The following SPAG16 variants were observed in gnomAD, a reference collection of about 807,000 sequenced individuals.
SPAG16 encodes the protein sperm-associated antigen 16 protein.
A neutral mutation model predicts 80.4 loss-of-function variants in SPAG16; 86 were observed. The observed-to-expected ratio is 1.07, with a 90% CI of 0.90 to 1.28. The LOEUF is 1.28. Among genes scored for constraint, SPAG16 ranks in the 50% most tolerant of loss-of-function variants. SPAG16 has a pLI of 0.00. For synonymous variants in SPAG16, 294 were observed against 265.9 expected, an observed-to-expected ratio of 1.11 and a Z score of -1.03; for missense variants, 870 against 765.3, an observed-to-expected ratio of 1.14 and a Z score of -1.61.
rs150094477 is a variant in SPAG16 at position 213,688,399 on chromosome 2, A to G, written c.1071-174086A>G. Among the ~76,000 whole-genome samples the G allele has an allele frequency of 9.8e-3, 1,497 of 152,328 alleles. 10 individuals carry two copies. Among genetic ancestry groups the G allele is most frequent in the Middle Eastern group, 0.041 (12 of 294 alleles). On this transcript the variant is annotated intron_variant, in intron 10 of 15. Coordinates refer to ENST00000331683, the MANE Select transcript of SPAG16 (RefSeq NM_024532.5). ...TTAATAGAGATTCTTTACATATGCA[A>G]ATTTTCTCCCACAAAGTACAGCTTT...
At chr2:214,032,950 C>A (rs568018983) in intron 13 of SPAG16, among the ~76,000 whole-genome samples, 1 of 152,064 alleles carries the variant, frequency 6.6e-6, no homozygotes, top group Non-Finnish European at 1.5e-5. Context: ...CAGAAAGACA[C>A]GACTTGTTTA....
At chr2:213,366,729 C>G (rs1283977730) in intron 8 of SPAG16, among the ~76,000 whole-genome samples, 1 of 152,078 alleles carries the variant, frequency 6.6e-6, no homozygotes, top group Admixed American at 6.6e-5. Context: ...AACCATATCA[C>G]CAAGTGTCCA....
chr2:213,585,890 A>G (rs1322136574), intron 10 of SPAG16, among the ~76,000 whole-genome samples: 1 of 152,216 alleles, frequency 6.6e-6, no homozygotes, highest in Non-Finnish European at 1.5e-5. Context: ...ATAGTACCAA[A>G]AAGATTAAAA....
At chr2:214,366,557 G>A (rs1699495114) in intron 15 of SPAG16, among the ~76,000 whole-genome samples, 2 of 152,046 alleles carry the variant, frequency 1.3e-5, no homozygotes, top group African/African-American at 4.8e-5. Flanking sequence ...CCATAAACGA[G>A]AATTCCAGTA....
intron 15 of SPAG16, among the ~76,000 whole-genome samples, chr2:214,360,039 T>C (rs556204972): frequency 1.3e-5 from 2 of 151,862 alleles, no homozygotes; most frequent in Non-Finnish European, 2.9e-5. Context: ...ACTAAACTTG[T>C]TGAACAGAAC....
In SPAG16 at chr2:214,312,471, G is replaced by C. The variant is rs189220519; in HGVS notation, c.1721-97669G>C. Among the ~76,000 whole-genome samples the C allele has an allele frequency of 4.8e-3, 733 of 152,240 alleles. 4 individuals are homozygous for C. The highest frequency in any genetic ancestry group is 0.017 in the African/African-American group (702 of 41,544). On this transcript the variant is annotated intron_variant, in intron 15 of 15. Coordinates refer to ENST00000331683, the MANE Select transcript of SPAG16 (RefSeq NM_024532.5). ...TGCTCATATTCTCAAGGTGTACATG[G>C]ACCTGACTTTGAGCTGTGTGTATAG...
chr2:213,361,596 A>G (rs2065980984), intron 7 of SPAG16, among the ~76,000 whole-genome samples: 1 of 151,592 alleles, frequency 6.6e-6, no homozygotes, highest in Admixed American at 6.6e-5. Context: ...AAAATACTAG[A>G]TAGGCCTGGA....
At chr2:213,781,596 A>G (rs2069975655) in intron 10 of SPAG16, among the ~76,000 whole-genome samples, 1 of 152,200 alleles carries the variant, frequency 6.6e-6, no homozygotes. Flanking sequence ...AACAGTATTT[A>G]AATTCAAACG....
At chr2:213,464,332 A>T (rs965858846) in intron 9 of SPAG16, among the ~76,000 whole-genome samples, 15 of 152,310 alleles carry the variant, frequency 9.8e-5, no homozygotes, top group African/African-American at 3.4e-4. Context: ...TTTTGATAAT[A>T]TCATGTTTCT....
intron 8 of SPAG16, among the ~76,000 whole-genome samples, chr2:213,373,687 A>T (rs2066753603): frequency 6.6e-6 from 1 of 151,982 alleles, no homozygotes; most frequent in African/African-American, 2.4e-5. Flanking sequence ...CTCCCTACTG[A>T]TTTCTCTTTT....
intron 12 of SPAG16, among the ~76,000 whole-genome samples, chr2:213,955,819 T>C (rs115402473): frequency 0.013 from 1,988 of 152,216 alleles, 39 homozygotes; most frequent in African/African-American, 0.045. Context: ...TTGTTATTTC[T>C]GTACAATCAA....
chr2:213,642,099 G>T (rs1015143442), intron 10 of SPAG16, among the ~76,000 whole-genome samples: 1 of 152,156 alleles, frequency 6.6e-6, no homozygotes, highest in African/African-American at 2.4e-5. Context: ...GGGACACAGA[G>T]CCAAACCATA....
At chr2:213,834,271 C>A (rs1291168819) in intron 10 of SPAG16, among the ~76,000 whole-genome samples, 1 of 152,096 alleles carries the variant, frequency 6.6e-6, no homozygotes, top group Non-Finnish European at 1.5e-5. Context: ...AACAGTTTAG[C>A]AGGAGAAAAG....
At chr2:213,833,423 A>T (rs2073790139) in intron 10 of SPAG16, among the ~76,000 whole-genome samples, 1 of 63,846 alleles carries the variant, frequency 1.6e-5, no homozygotes, top group Non-Finnish European at 2.9e-5. Context: ...GTATGTATGT[A>T]TCTATGTATG....
At chr2:213,733,674 A>C in intron 10 of SPAG16, among the ~76,000 whole-genome samples, 1 of 152,064 alleles carries the variant, frequency 6.6e-6, no homozygotes, top group East Asian at 1.9e-4. Flanking sequence ...GTACTTTATC[A>C]ACATTACCAT....
At chr2:213,921,644 A>C (rs2078229819) in intron 11 of SPAG16, among the ~76,000 whole-genome samples, 1 of 152,126 alleles carries the variant, frequency 6.6e-6, no homozygotes, top group African/African-American at 2.4e-5. Flanking sequence ...TGTGTACTTA[A>C]GTGTATTTTT....
intron 13 of SPAG16, among the ~76,000 whole-genome samples, chr2:214,076,513 C>CTGTGTG (rs71399105): frequency 2.2e-3 from 314 of 143,416 alleles, no homozygotes; most frequent in African/African-American, 5.5e-3. Flanking sequence ...TTATTTTATT[C>CTGTGTG]TGTGTGTGTG....
chr2:213,373,703 C>G (rs182427529), intron 8 of SPAG16, among the ~76,000 whole-genome samples: 11 of 152,144 alleles, frequency 7.2e-5, no homozygotes, highest in Non-Finnish European at 1.2e-4. Context: ...CTTTTCTTTC[C>G]TCTGATATTA....
intron 10 of SPAG16, among the ~76,000 whole-genome samples, chr2:213,848,803 A>G (rs755269453): frequency 3.3e-5 from 5 of 152,152 alleles, no homozygotes; most frequent in African/African-American, 7.2e-5. Flanking sequence ...ACATATAGTG[A>G]GTGCCAAACC....
Sources: gnomAD v4.1 joint callset for allele counts (sites outside exome capture counted in the v4.1 genomes callset) on GRCh38, gnomAD v4.1.1 for gene constraint, MANE v1.5 for transcripts, NCBI Gene and HGNC (gene_info 2026-07-23, HGNC 2026-07-21) for gene names.